FAM227A: variants seen among roughly 807,000 people sequenced by gnomAD.
FAM227A encodes protein FAM227A.
A neutral mutation model predicts 74.7 loss-of-function variants in FAM227A; 80 were observed. That is an observed-to-expected ratio of 1.07 (90% confidence interval 0.89 to 1.29). The LOEUF is 1.29. FAM227A is among the 50% of genes most tolerant of loss of function. The pLI is 0.00. For synonymous variants in FAM227A, 237 were observed against 241.8 expected, an observed-to-expected ratio of 0.98 and a Z score of 0.19; for missense variants, 654 against 683.4, an observed-to-expected ratio of 0.96 and a Z score of 0.48.
At chr22:38,639,850 G>A (rs2092076993) in intron 3 of FAM227A, 126 bp from the exon 4 acceptor site, 1 of 698,332 alleles carries the variant, frequency 1.4e-6, no homozygotes, top group African/African-American at 1.8e-5. Context: ...TGTGGACAGT[G>A]CCTTGTCTTT....
chr22:38,613,305 T>TATAAC (rs2091485892), intron 11 of FAM227A, among the ~76,000 whole-genome samples: 5 of 82,224 alleles, frequency 6.1e-5, no homozygotes, highest in South Asian at 5.9e-4. Context: ...TCATATATAA[T>TATAAC]ATATAACATA....
rs1311376584 is a variant in FAM227A, at chr22:38,650,103, C to T, written c.66G>A (p.Glu22=). Residue 22 remains glutamate, a synonymous_variant, in exon 2 of 17, where the codon GAG becomes GAA. Transcript: ENST00000535113. The part of the protein sequence containing the change: ...LTTLPMIPVD[E]HLAVSLVARN... ...GTGCGACAAGCGAGACAGCCAGGTG[C>T]TCATCCACTGGTATCATAGGTAGGG... The T allele has an allele frequency of 1.3e-6, 2 of 1,551,882 alleles. No individual in the cohort carries two copies. Among genetic ancestry groups the T allele is most frequent in the East Asian group, 4.9e-5 (2 of 40,912 alleles).
chr22:38,636,308 G>A lies in FAM227A; in HGVS notation c.519+143C>T, dbSNP rs1291457855. On this transcript the variant is annotated intron_variant, in intron 6 of 16. Transcript: ENST00000535113. ...AATCTAGGTTTTGCAGTGAGGTTGG[G>A]CTAGGGTTCCTAGCTCAGCTCAGAC... is the stretch of plus-strand genomic sequence containing the variant. 3.6e-6 allele frequency: 3 copies of A among 844,748 alleles called. No individual in the cohort carries two copies. In the African/African-American group the frequency reaches 5.2e-5, roughly 15 times the overall value. The allele number at this position is 844,748 out of a possible 1,614,324, so 52.3% of individuals were successfully genotyped here.
chr22:38,610,785 G>A (rs140807704), intron 11 of FAM227A, among the ~76,000 whole-genome samples: 18 of 152,310 alleles, frequency 1.2e-4, no homozygotes, highest in Non-Finnish European at 2.4e-4. Flanking sequence ...TTCCTGGGCC[G>A]GCGCGGTGGC....
chr22:38,648,154 G>C (rs1370812968), intron 2 of FAM227A, among the ~76,000 whole-genome samples: 2 of 152,068 alleles, frequency 1.3e-5, no homozygotes, highest in Admixed American at 1.3e-4. Context: ...TGTGACCCTG[G>C]AATACAACTC....
At chr22:38,644,721 C>T (rs970494821) in intron 3 of FAM227A, among the ~76,000 whole-genome samples, 13 of 152,150 alleles carry the variant, frequency 8.5e-5, no homozygotes, top group South Asian at 2.1e-4. Flanking sequence ...ATTGTGCATG[C>T]GCAGGAGCAG....
In FAM227A at chr22:38,582,506, T is replaced by C; in HGVS notation, c.*3619A>G. 1.5e-6 allele frequency: 2 copies of C among 1,313,316 alleles called. No individual in the cohort carries two copies. Among genetic ancestry groups the C allele is most frequent in the East Asian group, 5.0e-5 (2 of 39,822 alleles). The allele number at this position is 1,313,316 out of a possible 1,614,324, so 81.4% of individuals were successfully genotyped here. On this transcript the variant is annotated 3_prime_UTR_variant, in exon 17 of 17. Transcript: ENST00000535113. Reference sequence around the variant, plus strand: ...AGTTCCCTTTGATGCTCTACCCCGCTTCCCTTATAAAGGGCAAATAATTCT... The same window carrying C: ...AGTTCCCTTTGATGCTCTACCCCGCCTCCCTTATAAAGGGCAAATAATTCT...
intron 11 of FAM227A, among the ~76,000 whole-genome samples, chr22:38,610,193 T>A (rs530784750): frequency 1.4e-4 from 21 of 149,018 alleles, no homozygotes; most frequent in East Asian, 7.8e-4. Context: ...TAAAAAAAAA[T>A]TTTTTTTTTG....
chr22:38,586,535 T>C (rs889156099), intron 16 of FAM227A, among the ~76,000 whole-genome samples: 1 of 152,176 alleles, frequency 6.6e-6, no homozygotes, highest in Non-Finnish European at 1.5e-5. Flanking sequence ...CTGGATTGTG[T>C]TTTCTAACTC....
At chr22:38,586,250 T>A (rs2090805489) in intron 16 of FAM227A, 51 bp from the exon 17 acceptor site, 24 of 1,542,620 alleles carry the variant, frequency 1.6e-5, no homozygotes, top group East Asian at 9.8e-5. Flanking sequence ...AAAAATGTAA[T>A]TTCTTCAAAG....
rs559284041 is a variant in FAM227A, at chr22:38,623,214, G to A, written c.916C>T (p.Arg306Cys). 49 of 1,551,618 alleles carry A rather than the reference G, an allele frequency of 3.2e-5. No homozygotes were observed. Among genetic ancestry groups the A allele is most frequent in the South Asian group, 4.8e-5 (4 of 84,052 alleles). The change falls in exon 10 of 17, where the codon CGC becomes TGC. Residue 306 changes from arginine (R) to cysteine (C), a missense_variant. By Grantham distance (180) the Arg-to-Cys change is radical (BLOSUM62 -3). Transcript: ENST00000535113. The stretch of plus-strand genomic sequence containing the variant: ...CTGTACAACATTAATTCTTCTCTGC[G>A]GAATCGCTCTGGGTCTAGTTCCGAG... ...DYSELDPERFRREELMLYRRR... is the reference protein window; with the variant it reads ...DYSELDPERFCREELMLYRRR...
rs1341490457 is a variant in FAM227A at position 38,605,268 on chromosome 22, T to TTCTCAC, written c.1206_1207insGTGAGA (p.Asn402_Met403insValArg). On this transcript the variant is annotated inframe_insertion, in exon 13 of 17. Transcript: ENST00000535113. ...CATGTGCTCACCTTTTTAGGAAACA[T>TTCTCAC]ATTCTCACATTCTCTTGCTTCTGAT... 98 of 1,545,686 alleles carry TTCTCAC rather than the reference T, an allele frequency of 6.3e-5. No homozygotes were observed. Among genetic ancestry groups the TTCTCAC allele is most frequent in the Non-Finnish European group, 7.9e-5 (90 of 1,141,246 alleles).
rs968973059 is a variant in FAM227A, at chr22:38,621,080, T to C, written c.959-789A>G. Among the ~76,000 whole-genome samples the C allele has an allele frequency of 9.9e-5, 15 of 152,056 alleles. 1 individual carries two copies. Among genetic ancestry groups the C allele is most frequent in the African/African-American group, 3.6e-4 (15 of 41,384 alleles). Reference sequence around the variant, plus strand: ...GGCCGGGCATGGTGGCTCACGCCTATAATCCCAGCACTTTGGGAGGCCAAG... The same window carrying C: ...GGCCGGGCATGGTGGCTCACGCCTACAATCCCAGCACTTTGGGAGGCCAAG... On this transcript the variant is annotated intron_variant, in intron 10 of 16. Coordinates refer to ENST00000535113, the MANE Select transcript of FAM227A (RefSeq NM_001013647.2).
intron 11 of FAM227A, among the ~76,000 whole-genome samples, chr22:38,611,035 G>A (rs1033041853): frequency 6.6e-6 from 1 of 152,170 alleles, no homozygotes; most frequent in Non-Finnish European, 1.5e-5. Context: ...ACTCCAGCCT[G>A]GGTGACAGGG....
intron 13 of FAM227A, among the ~76,000 whole-genome samples, chr22:38,604,300 C>T (rs1311527470): frequency 6.6e-6 from 1 of 152,186 alleles, no homozygotes; most frequent in Non-Finnish European, 1.5e-5. Context: ...GCACTCCAGC[C>T]TGGGTGACAG....
intron 8 of FAM227A, among the ~76,000 whole-genome samples, chr22:38,627,782 TTAG>T (rs1487456734): frequency 2.0e-5 from 3 of 151,970 alleles, no homozygotes; most frequent in Admixed American, 2.0e-4. Flanking sequence ...TTTTGTATCT[TTAG>T]TAGAGACAGG....
intron 6 of FAM227A, among the ~76,000 whole-genome samples, chr22:38,635,700 GA>G (rs1306538516): frequency 6.6e-6 from 1 of 152,146 alleles, no homozygotes; most frequent in Non-Finnish European, 1.5e-5. Context: ...ACATAAGAAA[GA>G]AAAGCAATTG....
At chr22:38,638,954 C>T in intron 4 of FAM227A, 132 bp from the exon 5 acceptor site, 1 of 588,368 alleles carries the variant, frequency 1.7e-6, no homozygotes, top group South Asian at 2.3e-5. Flanking sequence ...CTCATAGGTC[C>T]CAACTGTGTT....
chr22:38,651,031 C>T (rs755802904), intron 1 of FAM227A, among the ~76,000 whole-genome samples: 3 of 152,164 alleles, frequency 2.0e-5, no homozygotes, highest in East Asian at 3.8e-4. Flanking sequence ...CCCTCTCCTC[C>T]GGTTCAGGCC....
Sources: gnomAD v4.1 joint callset for allele counts (sites outside exome capture counted in the v4.1 genomes callset) on GRCh38, gnomAD v4.1.1 for gene constraint, MANE v1.5 for transcripts, NCBI Gene and HGNC (gene_info 2026-07-23, HGNC 2026-07-21) for gene names.